Variants in SLC41A2 observed in about 807,000 individuals in gnomAD.
SLC41A2 encodes SLC41A1-like 1.
A neutral mutation model predicts 58.3 loss-of-function variants in SLC41A2; 32 were observed. The ratio of observed to expected loss-of-function variants is 0.55; its 90% CI spans 0.41 to 0.74. The LOEUF is 0.74. SLC41A2 is among the 30% of genes least tolerant of loss of function. SLC41A2 has a pLI of 0.00. For synonymous variants in SLC41A2, 190 were observed against 235.0 expected (o/e 0.81, Z 1.75); for missense variants, 514 against 680.6 (o/e 0.76, Z 2.72).
chr12:104,958,042 G>C (rs1274575623), intron 1 of SLC41A2, 46 bp downstream of exon 1: 4 of 152,202 alleles, frequency 2.6e-5, no homozygotes, highest in Admixed American at 2.0e-4. Flanking sequence ...TGATGCGCCC[G>C]AACGCGGCGC....
chr12:104,934,030 A>G (rs113210578), intron 1 of SLC41A2, among the ~76,000 whole-genome samples: 10 of 151,996 alleles, frequency 6.6e-5, no homozygotes, highest in Non-Finnish European at 1.2e-4. Context: ...CAATTCATCC[A>G]TGTAGCCCAA....
chr12:104,849,069 C>T (rs756712246), intron 8 of SLC41A2, among the ~76,000 whole-genome samples: 2 of 152,122 alleles, frequency 1.3e-5, no homozygotes, highest in Non-Finnish European at 2.9e-5. Context: ...ATAAATTCCA[C>T]ATGATTAAAG....
chr12:104,844,332 T>C (rs926769507), intron 10 of SLC41A2, 140 bp downstream of exon 10: 4 of 472,940 alleles, frequency 8.5e-6, no homozygotes, highest in Non-Finnish European at 1.1e-5. Flanking sequence ...GTTTATTGGT[T>C]TTAAGAAGAT....
chr12:104,864,511 A>G (rs1019603073), intron 7 of SLC41A2, among the ~76,000 whole-genome samples: 1 of 152,186 alleles, frequency 6.6e-6, no homozygotes, highest in African/African-American at 2.4e-5. Context: ...ATATGCTTTC[A>G]CTTGGGTCCC....
chr12:104,937,918 A>G (rs1343292313), intron 1 of SLC41A2, among the ~76,000 whole-genome samples: 3 of 152,250 alleles, frequency 2.0e-5, no homozygotes, highest in Non-Finnish European at 4.4e-5. Flanking sequence ...TAATGCATAC[A>G]GCCCTACTTG....
intron 1 of SLC41A2, among the ~76,000 whole-genome samples, chr12:104,949,826 G>A (rs955458059): frequency 3.9e-5 from 6 of 152,088 alleles, no homozygotes; most frequent in African/African-American, 1.2e-4. Context: ...CAGGTGATCC[G>A]CCTGCCTCAG....
At chr12:104,928,942 C>T (rs1031833620) in intron 1 of SLC41A2, among the ~76,000 whole-genome samples, 8 of 152,140 alleles carry the variant, frequency 5.3e-5, no homozygotes, top group African/African-American at 1.2e-4. Flanking sequence ...TCTTTGCATA[C>T]TTTATGTGAT....
intron 1 of SLC41A2, among the ~76,000 whole-genome samples, chr12:104,939,466 G>A (rs1198723168): frequency 6.6e-6 from 1 of 152,092 alleles, no homozygotes; most frequent in South Asian, 2.1e-4. Flanking sequence ...GCCTCCCAAA[G>A]TGCTGGTATT....
At chr12:104,843,059 G>C (rs2042470744) in intron 10 of SLC41A2, among the ~76,000 whole-genome samples, 1 of 151,944 alleles carries the variant, frequency 6.6e-6, no homozygotes, top group Non-Finnish European at 1.5e-5. Flanking sequence ...AGCAATAAAA[G>C]TAGCAATTTG....
chr12:104,949,904 C>A (rs192691003), intron 1 of SLC41A2, among the ~76,000 whole-genome samples: 188 of 152,034 alleles, frequency 1.2e-3, no homozygotes, highest in East Asian at 3.7e-3. Context: ...CCTTTAAGAA[C>A]AGGTAAGATT....
At chr12:104,878,299 T>TTTTATATATATATATATATATATATATA (rs1555206630) in intron 6 of SLC41A2, among the ~76,000 whole-genome samples, 2 of 139,930 alleles carry the variant, frequency 1.4e-5, no homozygotes, top group South Asian at 2.4e-4. Context: ...TACCTGTATT[T>TTTTATATATATATATATATATATATATA]TATATATATA....
intron 2 of SLC41A2, among the ~76,000 whole-genome samples, chr12:104,914,337 C>T (rs991371208): frequency 9.9e-5 from 15 of 152,146 alleles, no homozygotes; most frequent in Non-Finnish European, 1.9e-4. Context: ...TAATTATTTA[C>T]TAATGGGGTA....
At chr12:104,944,846 C>A (rs2047649736) in intron 1 of SLC41A2, among the ~76,000 whole-genome samples, 1 of 147,818 alleles carries the variant, frequency 6.8e-6, no homozygotes, top group Admixed American at 6.8e-5. Context: ...TAATTTTTTT[C>A]ATAAGAGTAA....
At chr12:104,872,344 C>T (rs1593041274) in intron 6 of SLC41A2, among the ~76,000 whole-genome samples, 1 of 152,148 alleles carries the variant, frequency 6.6e-6, no homozygotes, top group East Asian at 1.9e-4. Context: ...TTGTTTGTTT[C>T]ACTCTTTTTT....
At chr12:104,902,517 A>G (rs1468906235) in intron 3 of SLC41A2, among the ~76,000 whole-genome samples, 3 of 152,252 alleles carry the variant, frequency 2.0e-5, no homozygotes, top group Admixed American at 6.5e-5. Flanking sequence ...TCTCAAAGTC[A>G]GGAAAGAGTC....
chr12:104,930,206 A>ACTG (rs61468692), intron 1 of SLC41A2, among the ~76,000 whole-genome samples: 2 of 151,780 alleles, frequency 1.3e-5, no homozygotes, highest in Admixed American at 6.6e-5. Flanking sequence ...GTGGACTTGC[A>ACTG]ATGAGTAGAT....
chr12:104,905,855 C>G (rs1437625151), intron 3 of SLC41A2, among the ~76,000 whole-genome samples: 1 of 152,256 alleles, frequency 6.6e-6, no homozygotes, highest in African/African-American at 2.4e-5. Context: ...AGCTGGCCCG[C>G]AAGCGCCGCA....
intron 8 of SLC41A2, among the ~76,000 whole-genome samples, chr12:104,851,389 A>G (rs1397338228): frequency 1.3e-5 from 2 of 151,894 alleles, no homozygotes; most frequent in Non-Finnish European, 2.9e-5. Flanking sequence ...TTATTCATTT[A>G]TTTTTATTTT....
intron 10 of SLC41A2, among the ~76,000 whole-genome samples, chr12:104,826,836 T>A (rs1458282476): frequency 6.6e-6 from 1 of 152,212 alleles, no homozygotes; most frequent in East Asian, 1.9e-4. Flanking sequence ...TAGAACCTGA[T>A]GGACGCTGAG....
Sources: allele counts gnomAD v4.1 joint callset (sites outside exome capture counted in the v4.1 genomes callset), GRCh38; gene constraint gnomAD v4.1.1; transcripts MANE v1.5; gene names NCBI Gene and HGNC (gene_info 2026-07-23, HGNC 2026-07-21).